Variants in CDK12 observed in about 807,000 individuals in gnomAD.
The protein encoded by CDK12 is cyclin-dependent kinase 12.
In CDK12, 17 loss-of-function variants were observed where a neutral mutation model predicts 133.8. The ratio of observed to expected loss-of-function variants is 0.13; its 90% CI spans 0.09 to 0.19. The LOEUF (loss-of-function observed/expected upper bound fraction) is 0.19, where lower values mean the gene tolerates loss of function less well. Ranked by LOEUF, CDK12 falls within the 10% of genes least tolerant of loss-of-function variation. CDK12 has a pLI of 1.00. For missense variants in CDK12, 1,508 were observed against 1,818.7 expected (o/e 0.83, Z 3.11); for synonymous variants, 694 against 683.6 (o/e 1.02, Z -0.24).
chr17:39,462,215 A>G lies in CDK12; in HGVS notation c.144A>G (p.Lys48=). Residue 48 remains lysine (K), a synonymous_variant, in exon 1 of 14, where the codon AAA becomes AAG. Transcript: ENST00000447079. ...LVSKHKRHKS[K]HSKDMGLVTP... Reference sequence around the variant, plus strand: ...CGAAGCACAAGCGGCATAAGTCCAAACACTCCAAAGACATGGGGTTGGTGA... The same window carrying G: ...CGAAGCACAAGCGGCATAAGTCCAAGCACTCCAAAGACATGGGGTTGGTGA... 6.2e-7 allele frequency: 1 copy of G among 1,614,178 alleles called. No homozygotes were observed. Among genetic ancestry groups the G allele is most frequent in the South Asian group, 1.1e-5 (1 of 91,086 alleles).
rs772538617 is a variant in CDK12 at position 39,471,301 on chromosome 17, A to G, written c.1469A>G (p.His490Arg). 1.0e-4 allele frequency: 166 copies of G among 1,613,678 alleles called. No individual in the cohort carries two copies. The highest frequency in any genetic ancestry group is 1.4e-4 in the Non-Finnish European group (161 of 1,179,804). The part of the protein sequence containing the change: ...KVKLDENSEK[H>R]LVKDLKAQGT... ...AAGTTGGATGAGAACTCCGAGAAGCATCTTGTTAAAGATTTGAAAGCACAG... is the reference window on the plus strand; with the variant it reads ...AAGTTGGATGAGAACTCCGAGAAGCGTCTTGTTAAAGATTTGAAAGCACAG... Residue 490 changes from histidine (H) to arginine (R), a missense_variant, in exon 2 of 14, where the codon CAT becomes CGT. By Grantham distance (29) the His-to-Arg change is conservative. Coordinates refer to ENST00000447079, the MANE Select transcript of CDK12 (RefSeq NM_016507.4).
intron 2 of CDK12, among the ~76,000 whole-genome samples, chr17:39,472,850 C>T (rs1420740094): frequency 3.3e-5 from 5 of 151,804 alleles, no homozygotes; most frequent in Admixed American, 6.6e-5. Flanking sequence ...CCAAGGCGGG[C>T]GGATCACAAG....
chr17:39,485,169 C>CAAAAAA (rs564188686), intron 2 of CDK12, among the ~76,000 whole-genome samples: 1 of 75,064 alleles, frequency 1.3e-5, no homozygotes, highest in African/African-American at 5.8e-5. Context: ...GACTCTGTCT[C>CAAAAAA]AAAAAAAAAA....
chr17:39,469,140 G>A (rs2049588480), intron 1 of CDK12, among the ~76,000 whole-genome samples: 1 of 152,032 alleles, frequency 6.6e-6, no homozygotes, highest in Admixed American at 6.6e-5. Context: ...TTGGTTTTTT[G>A]TTTTGTCACA....
Position 39,503,566 on chromosome 17 carries a change from A to T in CDK12, c.2609+2127A>T, listed in dbSNP as rs148239153. ...CATGAGGAGATGTCTCAAAGCAGGG[A>T]ATAATTGCAGCTCCGTTTGGTGTCC... On this transcript the variant is annotated intron_variant, in intron 6 of 13. Coordinates refer to ENST00000447079, the MANE Select transcript of CDK12 (RefSeq NM_016507.4). Among the ~76,000 whole-genome samples the T allele has an allele frequency of 3.5e-3, 529 of 152,278 alleles. 4 individuals are homozygous for T. The highest frequency in any genetic ancestry group is 5.5e-3 in the Non-Finnish European group (377 of 68,022).
chr17:39,461,777 G>C lies in CDK12; in HGVS notation c.-295G>C. The stretch of plus-strand genomic sequence containing the variant: ...CTGGACCTCCCCGGCGCCCGGGCCT[G>C]AGGACTGGCTCGGCGGAGGGAGAAG... On this transcript the variant is annotated 5_prime_UTR_variant, in exon 1 of 14. Coordinates refer to ENST00000447079, the MANE Select transcript of CDK12 (RefSeq NM_016507.4). 1 of 445,214 alleles carries C rather than the reference G, an allele frequency of 2.2e-6. No homozygotes were observed. The highest frequency in any genetic ancestry group is 4.1e-6 in the Non-Finnish European group (1 of 245,400). The allele number at this position is 445,214 out of a possible 1,614,324, so 27.6% of individuals were successfully genotyped here.
chr17:39,485,690 G>A (rs1258363112), intron 2 of CDK12, among the ~76,000 whole-genome samples: 3 of 151,246 alleles, frequency 2.0e-5, no homozygotes, highest in Admixed American at 2.0e-4. Context: ...GGGATTATAG[G>A]CATGAGCCAC....
At chr17:39,483,632 G>T (rs557200202) in intron 2 of CDK12, among the ~76,000 whole-genome samples, 1 of 151,752 alleles carries the variant, frequency 6.6e-6, no homozygotes. Context: ...AGTAGTTTAC[G>T]CTGTTAAAAT....
intron 2 of CDK12, among the ~76,000 whole-genome samples, chr17:39,476,726 T>C (rs1056634781): frequency 2.6e-5 from 3 of 116,050 alleles, no homozygotes; most frequent in African/African-American, 1.0e-4. Flanking sequence ...TTTTTTTTTT[T>C]TTTTTTTTTT....
chr17:39,503,117 G>A (rs571623158), intron 6 of CDK12, among the ~76,000 whole-genome samples: 1 of 152,236 alleles, frequency 6.6e-6, no homozygotes, highest in East Asian at 1.9e-4. Flanking sequence ...TCACTCTGTC[G>A]CCCAGGCTGG....
chr17:39,493,196 T>C (rs1330321120), intron 4 of CDK12, among the ~76,000 whole-genome samples: 1 of 144,556 alleles, frequency 6.9e-6, no homozygotes, highest in Admixed American at 7.1e-5. Context: ...AGAAACAGGG[T>C]TCCACTATGT....
chr17:39,566,126 C>G (rs1012883472), downstream of CDK12, among the ~76,000 whole-genome samples: 2 of 152,166 alleles, frequency 1.3e-5, no homozygotes, highest in African/African-American at 4.8e-5. Context: ...TGGACTTTAG[C>G]AGGATCAGTT....
downstream of CDK12, chr17:39,534,596 C>G: frequency 4.4e-6 from 1 of 225,356 alleles, no homozygotes; most frequent in Non-Finnish European, 8.8e-6. Flanking sequence ...CTGAGCATAT[C>G]TAATCATGTA....
rs1279888494 is a variant in CDK12 at position 39,531,076 on chromosome 17, G to A, written c.4233G>A (p.Ala1411=). ...QDLRFARVPL[A]LHPVVGQPFL... Reference sequence around the variant, plus strand: ...TCCGTTTTGCCAGGGTCCCCTTAGCGTTACACCCGGTGGTCGGGCAACCAT... The same window carrying A: ...TCCGTTTTGCCAGGGTCCCCTTAGCATTACACCCGGTGGTCGGGCAACCAT... Residue 1411 remains alanine, a synonymous_variant, in exon 14 of 14, where the codon GCG becomes GCA. Coordinates refer to ENST00000447079, the MANE Select transcript of CDK12 (RefSeq NM_016507.4). 9.3e-6 allele frequency: 15 copies of A among 1,604,788 alleles called. No homozygotes were observed. The highest frequency in any genetic ancestry group is 2.7e-5 in the African/African-American group (2 of 74,474).
intron 6 of CDK12, among the ~76,000 whole-genome samples, chr17:39,502,136 C>G (rs2052760187): frequency 6.6e-6 from 1 of 151,182 alleles, no homozygotes; most frequent in Non-Finnish European, 1.5e-5. Context: ...AGCCACCGCA[C>G]CTGGCATACT....
intron 8 of CDK12, among the ~76,000 whole-genome samples, chr17:39,514,420 G>A (rs916387298): frequency 3.2e-4 from 48 of 152,238 alleles, no homozygotes; most frequent in African/African-American, 1.1e-3. Flanking sequence ...TCATTTCAAA[G>A]CATAGGTCAG....
chr17:39,509,261 C>G (rs1441975720), intron 6 of CDK12, among the ~76,000 whole-genome samples: 1 of 152,182 alleles, frequency 6.6e-6, no homozygotes, highest in Non-Finnish European at 1.5e-5. Flanking sequence ...TCTGGGACTA[C>G]AGGTGTGAGC....
upstream of CDK12, chr17:39,544,437 C>T: frequency 3.1e-6 from 1 of 326,870 alleles, no homozygotes; most frequent in South Asian, 2.7e-5. Context: ...CACCCCACCC[C>T]ACCCCTGGTC....
intron 11 of CDK12, among the ~76,000 whole-genome samples, chr17:39,522,162 T>C (rs1054114470): frequency 1.3e-5 from 2 of 152,032 alleles, no homozygotes; most frequent in African/African-American, 4.8e-5. Flanking sequence ...CAGGCTGGAG[T>C]GCAGTGGTGT....
Sources: gnomAD v4.1 joint callset for allele counts (sites outside exome capture counted in the v4.1 genomes callset) on GRCh38, gnomAD v4.1.1 for gene constraint, MANE v1.5 for transcripts, NCBI Gene and HGNC (gene_info 2026-07-23, HGNC 2026-07-21) for gene names.